Variants in GABRA2 observed in about 807,000 individuals in gnomAD.
GABRA2 encodes gamma-aminobutyric acid receptor subunit alpha-2.
GABRA2 carries 16 observed loss-of-function variants against 48.7 expected under a neutral mutation model. The ratio of observed to expected loss-of-function variants is 0.33; its 90% CI spans 0.22 to 0.50. GABRA2 has a LOEUF of 0.50. Ranked by LOEUF, GABRA2 falls within the 20% of genes least tolerant of loss-of-function variation. The pLI is 0.98. For synonymous variants in GABRA2, 185 were observed against 184.5 expected (o/e 1.00, Z -0.02); for missense variants, 275 against 535.6 (o/e 0.51, Z 4.80).
intron 9 of GABRA2, chr4:46,256,462 T>TA (rs897767538): frequency 3.0e-3 from 1,087 of 363,460 alleles, no homozygotes; most frequent in Middle Eastern, 4.2e-3. Context: ...TTCCCCTAAT[T>TA]AAAAAAAAAA....
chr4:46,331,340 T>C (rs1731319816), intron 4 of GABRA2, among the ~76,000 whole-genome samples: 1 of 152,148 alleles, frequency 6.6e-6, no homozygotes, highest in South Asian at 2.1e-4. Context: ...ATAAGAAATC[T>C]CTGAGGTCAG....
chr4:46,318,877 T>A (rs1728982569), intron 4 of GABRA2, among the ~76,000 whole-genome samples: 1 of 151,676 alleles, frequency 6.6e-6, no homozygotes, highest in Admixed American at 6.6e-5. Context: ...ACTGAAGAGT[T>A]GAAAAATCCA....
intron 8 of GABRA2, among the ~76,000 whole-genome samples, chr4:46,297,235 C>T (rs1207195303): frequency 6.6e-6 from 1 of 151,814 alleles, no homozygotes; most frequent in Non-Finnish European, 1.5e-5. Context: ...TGGGAAGAAA[C>T]CATCTAATCA....
intron 3 of GABRA2, among the ~76,000 whole-genome samples, chr4:46,375,681 A>C (rs1715592570): frequency 6.6e-6 from 1 of 152,212 alleles, no homozygotes; most frequent in African/African-American, 2.4e-5. Context: ...CAGAATACTT[A>C]AAGTTCAATA....
chr4:46,306,982 T>G (rs1408108460), intron 6 of GABRA2, among the ~76,000 whole-genome samples: 1 of 152,142 alleles, frequency 6.6e-6, no homozygotes, highest in Non-Finnish European at 1.5e-5. Context: ...TGCTACTAAA[T>G]GTTAGTATCA....
intron 9 of GABRA2, among the ~76,000 whole-genome samples, chr4:46,252,102 A>G (rs1169388546): frequency 6.6e-6 from 1 of 151,418 alleles, no homozygotes; most frequent in African/African-American, 2.4e-5. Flanking sequence ...AAGTGTTCAA[A>G]TAAGTTTAAA....
chr4:46,358,256 C>G (rs1450570230), intron 3 of GABRA2, among the ~76,000 whole-genome samples: 1 of 152,116 alleles, frequency 6.6e-6, no homozygotes, highest in Non-Finnish European at 1.5e-5. Context: ...AATGATGATT[C>G]TTTACATAAA....
chr4:46,368,072 A>C (rs971560940), intron 3 of GABRA2: 1 of 152,134 alleles, frequency 6.6e-6, no homozygotes, highest in African/African-American at 2.4e-5. Flanking sequence ...GTGGAAGTCC[A>C]TCAATCCGAA....
intron 4 of GABRA2, among the ~76,000 whole-genome samples, chr4:46,321,793 C>T (rs1219464674): frequency 6.6e-6 from 1 of 151,960 alleles, no homozygotes; most frequent in African/African-American, 2.4e-5. Context: ...AGATCCTTCT[C>T]CCTCTCCCCA....
In GABRA2 at chr4:46,383,890, G is replaced by T. The variant is rs561470347; in HGVS notation, c.187+2184C>A. ...AATAGATGTGTTTGAAAGGCAGGAA[G>T]AATTGGAGGTGGGGTAAAGTGGTAA... On this transcript the variant is annotated intron_variant, in intron 3 of 9. Transcript: ENST00000381620. Among the ~76,000 whole-genome samples, 89 of 152,286 alleles carry T rather than the reference G, an allele frequency of 5.8e-4. 1 individual carries two copies. Among genetic ancestry groups the T allele is most frequent in the Non-Finnish European group, 1.1e-3 (73 of 68,010 alleles).
chr4:46,287,774 TATA>T (rs1363873090), intron 8 of GABRA2, among the ~76,000 whole-genome samples: 1 of 151,770 alleles, frequency 6.6e-6, no homozygotes, highest in African/African-American at 2.4e-5. Flanking sequence ...AAATTTAAAG[TATA>T]ATAATAATAA....
intron 9 of GABRA2, among the ~76,000 whole-genome samples, chr4:46,258,351 A>G (rs1716273871): frequency 6.6e-6 from 1 of 151,842 alleles, no homozygotes; most frequent in Admixed American, 6.6e-5. Context: ...AGAACAGAGT[A>G]CTGCACACAC....
intron 3 of GABRA2, among the ~76,000 whole-genome samples, chr4:46,360,394 C>A (rs1450803062): frequency 6.6e-6 from 1 of 152,190 alleles, no homozygotes; most frequent in Non-Finnish European, 1.5e-5. Flanking sequence ...GTCAAGAGAT[C>A]TGACGGTTTT....
At position 46,261,721 on chromosome 4, in the gene GABRA2, T is replaced by C. The variant is rs1374245722; in HGVS notation, c.1059+205A>G. The stretch of plus-strand genomic sequence containing the variant: ...TGCCTGACACATACAGCTCAACAGA[T>C]GCTACGGAGTGGTTTTAATGGAAGT... On this transcript the variant is annotated intron_variant, in intron 9 of 9. Coordinates refer to ENST00000381620, the MANE Select transcript of GABRA2 (RefSeq NM_000807.4). 1.1e-5 allele frequency: 7 copies of C among 612,628 alleles called. No homozygotes were observed. In the East Asian group the frequency reaches 1.6e-4, roughly 14 times the overall value. 37.9% of individuals were successfully genotyped at this position (612,628 alleles called of 1,614,324 possible).
intron 9 of GABRA2, among the ~76,000 whole-genome samples, chr4:46,259,686 C>G (rs1351770366): frequency 6.6e-6 from 1 of 151,766 alleles, no homozygotes; most frequent in Non-Finnish European, 1.5e-5. Flanking sequence ...GTTGGATTGA[C>G]AGATAACCGC....
At chr4:46,293,457 A>T (rs1377836198) in intron 8 of GABRA2, among the ~76,000 whole-genome samples, 4 of 152,172 alleles carry the variant, frequency 2.6e-5, no homozygotes, top group Non-Finnish European at 2.9e-5. Flanking sequence ...GTTGACGTTG[A>T]TTCCAGAGGA....
chr4:46,370,872 C>T (rs1323310617), intron 3 of GABRA2, among the ~76,000 whole-genome samples: 1 of 151,818 alleles, frequency 6.6e-6, no homozygotes, highest in Admixed American at 6.6e-5. Context: ...CTATTTTCTA[C>T]TCTATTTGCC....
intron 8 of GABRA2, among the ~76,000 whole-genome samples, chr4:46,283,991 C>T (rs931780066): frequency 6.6e-6 from 1 of 151,234 alleles, no homozygotes; most frequent in Non-Finnish European, 1.5e-5. Context: ...CATCTCCTGA[C>T]CTTGTGATCT....
chr4:46,330,927 A>G lies in GABRA2; in HGVS notation c.255+1688T>C, dbSNP rs1337151164. 3.9e-5 allele frequency among the ~76,000 whole-genome samples: 6 copies of G among 152,194 alleles called. No homozygotes were observed. The East Asian group carries it at 1.2e-3, about 30-fold the overall frequency. On this transcript the variant is annotated intron_variant, in intron 4 of 9. Transcript: ENST00000381620. Reference sequence around the variant, plus strand: ...CATTTGGGAACATTTAAGACAAGCTACACTAAGACAGAGTATTTACTAGGA... The same window carrying G: ...CATTTGGGAACATTTAAGACAAGCTGCACTAAGACAGAGTATTTACTAGGA...
Sources: allele counts gnomAD v4.1 joint callset (sites outside exome capture counted in the v4.1 genomes callset), GRCh38; gene constraint gnomAD v4.1.1; transcripts MANE v1.5; gene names NCBI Gene and HGNC (gene_info 2026-07-23, HGNC 2026-07-21).